The following RARB variants were observed in gnomAD, a reference collection of about 807,000 sequenced individuals.
RARB encodes the protein retinoic acid receptor beta, also known as HBV-activated protein.
Under a neutral mutation model 51.9 loss-of-function variants are expected in RARB, and 17 were observed. The ratio of observed to expected loss-of-function variants is 0.33; its 90% confidence interval spans 0.22 to 0.49. The LOEUF (loss-of-function observed/expected upper bound fraction) is 0.49, where lower values mean the gene tolerates loss of function less well. Among genes scored for constraint, RARB ranks in the 20% least tolerant of loss-of-function variants. RARB has a pLI of 0.99. For missense variants in RARB, 369 were observed against 550.8 expected, an observed-to-expected ratio of 0.67 and a Z score of 3.30; for synonymous variants, 215 against 195.4, an observed-to-expected ratio of 1.10 and a Z score of -0.84.
chr3:25,146,214 A>G (rs1700186088), intron 4 of RARB, among the ~76,000 whole-genome samples: 1 of 152,150 alleles, frequency 6.6e-6, no homozygotes. Flanking sequence ...TCTTATGTAT[A>G]ATCAGTCATT....
At chr3:25,379,828 G>A (rs77678090) in intron 5 of RARB, among the ~76,000 whole-genome samples, 5,310 of 152,138 alleles carry the variant, frequency 0.035, 121 homozygotes, top group Middle Eastern at 0.065. Flanking sequence ...TCTTAGTGGC[G>A]CATGAGTTAA....
At chr3:25,189,570 G>T (rs376340177) in intron 5 of RARB, among the ~76,000 whole-genome samples, 74 of 152,138 alleles carry the variant, frequency 4.9e-4, no homozygotes, top group African/African-American at 1.4e-3. Flanking sequence ...ATGTTCAAAA[G>T]CTTAGACCCT....
At chr3:25,006,809 G>T (rs556665976) in intron 2 of RARB, among the ~76,000 whole-genome samples, 1 of 152,186 alleles carries the variant, frequency 6.6e-6, no homozygotes, top group African/African-American at 2.4e-5. Context: ...GTCCTGTTTG[G>T]GATGTTGCTG....
rs149846528 is a variant in RARB at position 24,978,602 on chromosome 3, C to A, written c.-379-81523C>A. Reference sequence around the variant, plus strand: ...ATTTCTGTGGGGTTGTTGGTGATATCCCCTTTATGATTTTTTTATTGCGTC... The same window carrying A: ...ATTTCTGTGGGGTTGTTGGTGATATACCCTTTATGATTTTTTTATTGCGTC... On this transcript the variant is annotated intron_variant, in intron 2 of 11. Coordinates refer to the RARB transcript ENST00000383772. Among the ~76,000 whole-genome samples the A allele has an allele frequency of 4.8e-3, 735 of 152,084 alleles. 19 individuals are homozygous for A. The East Asian group carries it at 0.086, about 18-fold the overall frequency.
At chr3:25,153,225 CAT>C (rs945618298) in intron 4 of RARB, among the ~76,000 whole-genome samples, 4 of 151,912 alleles carry the variant, frequency 2.6e-5, no homozygotes, top group East Asian at 1.9e-4. Flanking sequence ...CACCAGGAAA[CAT>C]GTGTATAGCA....
chr3:25,576,527 G>C lies in RARB; in HGVS notation c.610-4019G>C, dbSNP rs116894253. ...CCCCAGGAGTGAAGGGGCTGCAGAT[G>C]GATAGATGGTCCTTTCCAAGGTCAT... On this transcript the variant is annotated intron_variant, in intron 4 of 7. Coordinates refer to ENST00000330688, the MANE Select transcript of RARB (RefSeq NM_000965.5). Among the ~76,000 whole-genome samples the C allele has an allele frequency of 8.3e-4, 127 of 152,310 alleles. 3 individuals are homozygous for C. In the East Asian group the frequency reaches 0.012, roughly 15 times the overall value.
intron 5 of RARB, among the ~76,000 whole-genome samples, chr3:25,210,757 A>G (rs1211264358): frequency 6.6e-6 from 1 of 150,726 alleles, no homozygotes; most frequent in Non-Finnish European, 1.5e-5. Context: ...CTGGTCTCGA[A>G]CTCCTGACCT....
intron 2 of RARB, among the ~76,000 whole-genome samples, chr3:24,869,680 ACATT>A (rs1702911652): frequency 6.6e-6 from 1 of 152,110 alleles, no homozygotes; most frequent in Non-Finnish European, 1.5e-5. Context: ...ATAGCGTAGC[ACATT>A]CATTCTCTTT....
rs1168765653 is a variant in RARB at position 25,120,572 on chromosome 3, T to C, written c.-327-11589T>C. 5.9e-4 allele frequency among the ~76,000 whole-genome samples: 85 copies of C among 145,132 alleles called. No homozygotes were observed. In the Admixed American group the frequency reaches 6.0e-3, roughly 10 times the overall value. On this transcript the variant is annotated intron_variant, in intron 3 of 11. Coordinates refer to the RARB transcript ENST00000383772. ...CTCTCTCTCTCTCTCTCGATATGCCTATTAGAGTATAATTTTCTGAATGTG... is the reference window on the plus strand; with the variant it reads ...CTCTCTCTCTCTCTCTCGATATGCCCATTAGAGTATAATTTTCTGAATGTG...
chr3:25,090,844 A>G (rs551627619), intron 3 of RARB, among the ~76,000 whole-genome samples: 1 of 152,254 alleles, frequency 6.6e-6, no homozygotes, highest in African/African-American at 2.4e-5. Context: ...CTCTTGTTCA[A>G]ACTCACACTC....
At chr3:25,542,457 T>C (rs1368187655) in intron 3 of RARB, among the ~76,000 whole-genome samples, 1 of 152,086 alleles carries the variant, frequency 6.6e-6, no homozygotes, top group African/African-American at 2.4e-5. Context: ...GGTAGAGAAA[T>C]AGATGCTAAG....
intron 5 of RARB, among the ~76,000 whole-genome samples, chr3:25,289,332 A>C (rs866927963): frequency 6.6e-6 from 1 of 152,204 alleles, no homozygotes. Context: ...TGCTCAGTGA[A>C]GCTGGCTTTA....
intron 3 of RARB, among the ~76,000 whole-genome samples, chr3:25,127,729 G>A (rs1452064041): frequency 6.6e-6 from 1 of 152,044 alleles, no homozygotes; most frequent in Non-Finnish European, 1.5e-5. Flanking sequence ...TGATCAAAAT[G>A]TGCCCCGTGT....
chr3:24,976,017 G>T (rs1696504031), intron 2 of RARB, among the ~76,000 whole-genome samples: 1 of 152,154 alleles, frequency 6.6e-6, no homozygotes, highest in South Asian at 2.1e-4. Flanking sequence ...AGAACATGCG[G>T]TGTTTGGTTT....
intron 5 of RARB, among the ~76,000 whole-genome samples, chr3:25,222,565 A>G (rs1353368908): frequency 6.6e-6 from 1 of 152,222 alleles, no homozygotes; most frequent in Non-Finnish European, 1.5e-5. Flanking sequence ...AGAAAAAAAG[A>G]TATTAAAAAC....
At chr3:25,225,039 TTAAAA>T (rs1278640141) in intron 5 of RARB, among the ~76,000 whole-genome samples, 4 of 152,160 alleles carry the variant, frequency 2.6e-5, no homozygotes, top group Admixed American at 2.6e-4. Context: ...TATAAAACCA[TTAAAA>T]TAAAACTGAA....
At chr3:24,923,910 T>C (rs1237179388) in intron 2 of RARB, among the ~76,000 whole-genome samples, 2 of 152,158 alleles carry the variant, frequency 1.3e-5, no homozygotes, top group Non-Finnish European at 1.5e-5. Context: ...GTTTCTATGG[T>C]TGTAGATTCT....
chr3:25,189,755 G>T (rs1701053445), intron 5 of RARB, among the ~76,000 whole-genome samples: 1 of 152,034 alleles, frequency 6.6e-6, no homozygotes, highest in Non-Finnish European at 1.5e-5. Context: ...CATGGTGGTG[G>T]GCGCCTGTAA....
At chr3:24,981,715 G>T (rs1321443241) in intron 2 of RARB, among the ~76,000 whole-genome samples, 1 of 152,102 alleles carries the variant, frequency 6.6e-6, no homozygotes. Context: ...TTAGGAAAGG[G>T]AAATCTCCTG....
Sources: gnomAD v4.1 joint callset for allele counts (sites outside exome capture counted in the v4.1 genomes callset) on GRCh38, gnomAD v4.1.1 for gene constraint, MANE v1.5 for transcripts, NCBI Gene and HGNC (gene_info 2026-07-23, HGNC 2026-07-21) for gene names.